The following ALDH16A1 variants were observed in gnomAD, a reference collection of about 807,000 sequenced individuals.
ALDH16A1 encodes the protein aldehyde dehydrogenase 16 family member A1.
ALDH16A1 carries 88 observed loss-of-function variants against 96.1 expected under a neutral mutation model. The ratio of observed to expected loss-of-function variants is 0.92; its 90% CI spans 0.77 to 1.09. The LOEUF (loss-of-function observed/expected upper bound fraction) is 1.09. Among genes scored for constraint, ALDH16A1 ranks in the 50% least tolerant of loss-of-function variants. ALDH16A1 has a pLI of 0.00. For missense variants in ALDH16A1, 1,250 were observed against 1,112.6 expected (o/e 1.12, Z -1.76); for synonymous variants, 522 against 496.4 (o/e 1.05, Z -0.69).
intron 9 of ALDH16A1, 54 bp downstream of exon 9, chr19:49,464,003 C>T (rs995030247): frequency 2.5e-6 from 4 of 1,583,114 alleles, no homozygotes; most frequent in Non-Finnish European, 3.4e-6. Context: ...AGGGCAGCAG[C>T]TCTGTGCCTG....
chr19:49,465,672 G>T (rs144822561), intron 12 of ALDH16A1, 66 bp from the exon 13 acceptor site: 2 of 1,520,498 alleles, frequency 1.3e-6, no homozygotes, highest in African/African-American at 1.4e-5. Context: ...TTCCCAGTGC[G>T]GTAGAGCATA....
At chr19:49,456,939 CT>C (rs1340311030) in intron 1 of ALDH16A1, among the ~76,000 whole-genome samples, 1 of 151,948 alleles carries the variant, frequency 6.6e-6, no homozygotes, top group Non-Finnish European at 1.5e-5. Context: ...AAAAACCCAT[CT>C]CTACTAGAAA....
chr19:49,462,481 C>T, intron 7 of ALDH16A1, 89 bp from the exon 8 acceptor site: 2 of 1,455,090 alleles, frequency 1.4e-6, no homozygotes, highest in African/African-American at 1.4e-5. Flanking sequence ...GTCCATGTCC[C>T]TAGTTTTCCA....
At position 49,464,439 on chromosome 19, in the gene ALDH16A1, A is replaced by C; in HGVS notation, c.1354A>C (p.Ile452Leu). 1 of 1,606,814 alleles carries C rather than the reference A, an allele frequency of 6.2e-7. No homozygotes were observed. Among genetic ancestry groups the C allele is most frequent in the Non-Finnish European group, 8.5e-7 (1 of 1,177,132 alleles). Residue 452 changes from isoleucine (I) to leucine (L), a missense_variant, in exon 11 of 17, where the codon ATC becomes CTC. Coordinates refer to ENST00000293350, the MANE Select transcript of ALDH16A1 (RefSeq NM_153329.4). ...GYGLQVGTVW[I>L]NAHGLRDPSV... is the part of the protein sequence containing the mutation. ...CAGGCTCCAGGTGGGCACTGTCTGG[A>C]TCAACGCCCACGGCCTCAGAGACCC...
intron 4 of ALDH16A1, 104 bp from the exon 5 acceptor site, chr19:49,460,714 ATTTT>A: frequency 9.2e-6 from 6 of 652,662 alleles, no homozygotes; most frequent in Admixed American, 5.6e-5. Flanking sequence ...ACACCCGGCC[ATTTT>A]TTTTTTTTTT....
intron 7 of ALDH16A1, 135 bp downstream of exon 7, chr19:49,462,171 C>T (rs969021893): frequency 3.2e-5 from 42 of 1,309,650 alleles, no homozygotes; most frequent in South Asian, 8.4e-5. Flanking sequence ...TCACTCTTGT[C>T]GCCCAGGCTG....
intron 14 of ALDH16A1, among the ~76,000 whole-genome samples, chr19:49,467,208 CAA>C (rs1305569921): frequency 2.0e-5 from 3 of 152,072 alleles, no homozygotes; most frequent in Admixed American, 1.3e-4. Context: ...TTTGCAGAGA[CAA>C]GAGACTCGCC....
rs2079215052 is a variant in ALDH16A1, at chr19:49,468,189, C to T, written c.1939-192C>T. 3.6e-6 allele frequency: 2 copies of T among 548,928 alleles called. No homozygotes were observed. The highest frequency in any genetic ancestry group is 5.0e-5 in the South Asian group (2 of 39,952). The allele number at this position is 548,928 out of a possible 1,614,324, so 34.0% of individuals were successfully genotyped here. A position where few individuals can be genotyped will look rare whatever the true frequency, so the allele number is the denominator to read the frequency against. On this transcript the variant is annotated intron_variant, in intron 14 of 16. Coordinates refer to ENST00000293350, the MANE Select transcript of ALDH16A1 (RefSeq NM_153329.4). The surrounding 1 kb of genome is among the most constrained non-coding windows in gnomAD (Gnocchi z 4.4). ...AAAAAAAAAAAGAAAGGCGGTTATGCAGGATGTTTCTCACCGCCCGAACCC... is the reference window on the plus strand; with the variant it reads ...AAAAAAAAAAAGAAAGGCGGTTATGTAGGATGTTTCTCACCGCCCGAACCC...
Position 49,470,638 on chromosome 19 carries a change from A to C in ALDH16A1, c.*171A>C. On this transcript the variant is annotated 3_prime_UTR_variant, in exon 17 of 17. Coordinates refer to ENST00000293350, the MANE Select transcript of ALDH16A1 (RefSeq NM_153329.4). ...GGTGTAGCAACTTCTGGCAGATATG[A>C]GGCTTTTTTCTTTTTTTTTTTTTTT... is the stretch of plus-strand genomic sequence containing the variant. The C allele has an allele frequency of 2.0e-6, 1 of 489,780 alleles. No individual in the cohort carries two copies. The highest frequency in any genetic ancestry group is 3.2e-6 in the Non-Finnish European group (1 of 311,292). 30.3% of individuals were successfully genotyped at this position (489,780 alleles called of 1,614,324 possible).
intron 1 of ALDH16A1, among the ~76,000 whole-genome samples, chr19:49,456,369 A>G (rs1314354259): frequency 6.6e-6 from 1 of 152,066 alleles, no homozygotes; most frequent in Non-Finnish European, 1.5e-5. Flanking sequence ...CACACTTAAC[A>G]TTAAGTCATT....
At chr19:49,461,291 A>G (rs559858125) in intron 5 of ALDH16A1, among the ~76,000 whole-genome samples, 60 of 7,352 alleles carry the variant, frequency 8.2e-3, no homozygotes, top group Admixed American at 0.018. Context: ...AGGGGCTGGG[A>G]CCTGGACTCC....
chr19:49,457,344 A>G (rs1205189588), intron 1 of ALDH16A1, among the ~76,000 whole-genome samples: 2 of 151,700 alleles, frequency 1.3e-5, no homozygotes, highest in Non-Finnish European at 2.9e-5. Context: ...TCAGGAGATC[A>G]AGACCATCCT....
Position 49,468,077 on chromosome 19 carries a change from G to A in ALDH16A1, c.1939-304G>A, listed in dbSNP as rs756680437. ...CAGGAGACTGAGGCAGGAGAATGGC[G>A]TGAACCCGGGAGGCGGAGGTTGCAG... is the stretch of plus-strand genomic sequence containing the variant. On this transcript the variant is annotated intron_variant, in intron 14 of 16. Coordinates refer to ENST00000293350, the MANE Select transcript of ALDH16A1 (RefSeq NM_153329.4). The surrounding 1 kb of genome is among the most constrained non-coding windows in gnomAD (Gnocchi z 4.4). 6.6e-6 allele frequency among the ~76,000 whole-genome samples: 1 copy of A among 150,780 alleles called. No homozygotes were observed. The highest frequency in any genetic ancestry group is 1.5e-5 in the Non-Finnish European group (1 of 67,810).
At position 49,464,456 on chromosome 19, in the gene ALDH16A1, CAG is replaced by C. The variant is rs2079180793; in HGVS notation, c.1375_1376del (p.Asp459ProfsTer24). 6.2e-7 allele frequency: 1 copy of C among 1,611,312 alleles called. No individual in the cohort carries two copies. Among genetic ancestry groups the C allele is most frequent in the Non-Finnish European group, 8.5e-7 (1 of 1,179,026 alleles). ...GTVWINAHGLRDPSVPTGGCK... is the reference protein window; with the variant it reads ...GTVWINAHGLXDPSVPTGGCK... ...CTGTCTGGATCAACGCCCACGGCCTCAGAGACCCTTCGGTGCCCACAGGCGGC... is the reference window on the plus strand; with the variant it reads ...CTGTCTGGATCAACGCCCACGGCCTCAGACCCTTCGGTGCCCACAGGCGGC... On this transcript the variant is annotated frameshift_variant, in exon 11 of 17. Coordinates refer to ENST00000293350, the MANE Select transcript of ALDH16A1 (RefSeq NM_153329.4). LOFTEE classifies it high-confidence loss of function.
chr19:49,461,654 C>T lies in ALDH16A1; in HGVS notation c.613C>T (p.Pro205Ser), dbSNP rs368245586. Residue 205 changes from proline (P) to serine (S), a missense_variant, in exon 6 of 17, where the codon CCG becomes TCG. Transcript: ENST00000293350. ...GGTGGCCCTCGTGCCCCCGGCCTCC[C>T]CGGCGCCCCTCCTCCTGGCCCAGCT... ...TVVALVPPAS[P>S]APLLLAQLAG... 4 of 1,603,788 alleles carry T rather than the reference C, an allele frequency of 2.5e-6. No individual in the cohort carries two copies. Among genetic ancestry groups the T allele is most frequent in the African/African-American group, 1.3e-5 (1 of 74,646 alleles).
In ALDH16A1 at chr19:49,460,603, G is replaced by A. The variant is rs555105101; in HGVS notation, c.500-219G>A. Among the ~76,000 whole-genome samples the A allele has an allele frequency of 3.9e-5, 6 of 151,934 alleles. No homozygotes were observed. The South Asian group carries it at 1.2e-3, about 32-fold the overall frequency. On this transcript the variant is annotated intron_variant, in intron 4 of 16. Coordinates refer to ENST00000293350, the MANE Select transcript of ALDH16A1 (RefSeq NM_153329.4). ...CTAATTTTGTGTTTTTAGTGGAGAT[G>A]GGGTTTTTCCATGTTGGTCAGGCTG...
chr19:49,453,389 G>A lies in ALDH16A1; in HGVS notation c.58G>A (p.Gly20Arg), dbSNP rs537615242. ...AREIFTSLEY[G>R]PVPESHACAL... is the part of the protein sequence containing the mutation. ...CGAGATCTTCACCTCGCTGGAGTAC[G>A]GACCGGTGCCGGAGAGCCACGCATG... Residue 20 changes from glycine to arginine, a missense_variant, in exon 1 of 17, where the codon GGA becomes AGA. Gly to Arg is a moderately radical substitution (Grantham distance 125). Transcript: ENST00000293350. The A allele has an allele frequency of 9.0e-6, 14 of 1,563,780 alleles. No individual in the cohort carries two copies. The highest frequency in any genetic ancestry group is 1.4e-5 in the African/African-American group (1 of 73,864).
intron 10 of ALDH16A1, 59 bp from the exon 11 acceptor site, chr19:49,464,358 C>T: frequency 1.9e-6 from 3 of 1,561,100 alleles, no homozygotes; most frequent in Non-Finnish European, 2.6e-6. Flanking sequence ...TTAACTCACC[C>T]CTCTCCCGGC....
intron 1 of ALDH16A1, among the ~76,000 whole-genome samples, chr19:49,456,276 A>C (rs1442202126): frequency 6.6e-6 from 1 of 152,208 alleles, no homozygotes; most frequent in East Asian, 1.9e-4. Flanking sequence ...CCTGGATGTC[A>C]CAGTATTTTC....
Sources: gnomAD v4.1 joint callset for allele counts (sites outside exome capture counted in the v4.1 genomes callset) on GRCh38, gnomAD v4.1.1 for gene constraint, Gnocchi (gnomAD v3.1) non-coding constraint, MANE v1.5 for transcripts, NCBI Gene and HGNC (gene_info 2026-07-23, HGNC 2026-07-21) for gene names.